Variants in CD109 observed in about 807,000 individuals in gnomAD.
The protein encoded by CD109 is CD109 molecule, also known as CD109 antigen.
A neutral mutation model predicts 165.8 loss-of-function variants in CD109; 149 were observed. That is an observed-to-expected ratio of 0.90 (90% CI 0.79 to 1.03). The LOEUF is 1.03. Ranked by LOEUF, CD109 falls within the 50% of genes least tolerant of loss-of-function variation. The pLI is 0.00. For missense variants in CD109, 1,712 were observed against 1,677.8 expected, an observed-to-expected ratio of 1.02 and a Z score of -0.36; for synonymous variants, 585 against 592.1, an observed-to-expected ratio of 0.99 and a Z score of 0.18.
At chr6:73,791,172 TATATAC>T (rs1475797704) in intron 22 of CD109, among the ~76,000 whole-genome samples, 1,770 of 32,318 alleles carry the variant, frequency 0.055, 15 homozygotes, top group Non-Finnish European at 0.065. Flanking sequence ...TATATATATA[TATATAC>T]ACACACACAC....
rs2150229099 is a variant in CD109 at position 73,766,116 on chromosome 6, T to C, written c.1294T>C (p.Phe432Leu). The change falls in exon 11 of 33, where the codon TTC becomes CTC. Residue 432 changes from phenylalanine (F) to leucine (L), a missense_variant. Transcript: ENST00000287097. The stretch of plus-strand genomic sequence containing the variant: ...CCAAAGTGGAACTTTTAAGATTGAA[T>C]TCCCAATCCTGGAGGATTCCAGTGA... ...VPQSGTFKIE[F>L]PILEDSSELQ... The C allele has an allele frequency of 6.2e-7, 1 of 1,614,062 alleles. No homozygotes were observed. The highest frequency in any genetic ancestry group is 8.5e-7 in the Non-Finnish European group (1 of 1,179,946).
chr6:73,793,686 T>C (rs1156627777), intron 23 of CD109, among the ~76,000 whole-genome samples: 1 of 152,184 alleles, frequency 6.6e-6, no homozygotes, highest in African/African-American at 2.4e-5. Context: ...TAAAGTAAAT[T>C]TGATTTTCTG....
At chr6:73,692,454 C>G (rs1245496619), upstream of CD109, among the ~76,000 whole-genome samples, 1 of 152,074 alleles carries the variant, frequency 6.6e-6, no homozygotes, top group African/African-American at 2.4e-5. Flanking sequence ...CTTGGCATAT[C>G]CAGGTAATCA....
At chr6:73,754,610 G>T (rs1562047866) in intron 5 of CD109, among the ~76,000 whole-genome samples, 1 of 152,180 alleles carries the variant, frequency 6.6e-6, no homozygotes, top group Non-Finnish European at 1.5e-5. Context: ...TAAGTAAGTT[G>T]ATTTCCTATA....
intron 22 of CD109, among the ~76,000 whole-genome samples, chr6:73,791,163 A>ATATG (rs1229907149): frequency 2.4e-5 from 1 of 41,716 alleles, no homozygotes; most frequent in Non-Finnish European, 4.1e-5. Flanking sequence ...ATATATATAT[A>ATATG]TATATATATA....
intron 7 of CD109, among the ~76,000 whole-genome samples, chr6:73,761,017 ACACACAC>A (rs1562051477): frequency 5.5e-3 from 7 of 1,284 alleles, no homozygotes; most frequent in East Asian, 0.12. Flanking sequence ...GTGTCTAAAC[ACACACAC>A]ACACACACAC....
intron 15 of CD109, among the ~76,000 whole-genome samples, chr6:73,775,514 CTATT>C (rs1170511695): frequency 3.9e-5 from 6 of 152,052 alleles, no homozygotes; most frequent in African/African-American, 1.4e-4. Context: ...ATTTGTTTAT[CTATT>C]TATTTATTTA....
chr6:73,680,208 G>T, the CD109 span, among the ~76,000 whole-genome samples: 49 of 151,450 alleles, frequency 3.2e-4, no homozygotes, highest in African/African-American at 1.1e-3. Flanking sequence ...ACAGATTTAT[G>T]TAATTATATT....
At chr6:73,696,378 T>C (rs1022025900) in intron 1 of CD109, 89 bp downstream of exon 1, 5 of 1,125,832 alleles carry the variant, frequency 4.4e-6, no homozygotes, top group Non-Finnish European at 4.7e-6. Flanking sequence ...AGGTGGCGGC[T>C]GCTGTGCAGC....
the CD109 span, among the ~76,000 whole-genome samples, chr6:73,684,952 A>C: frequency 2.0e-5 from 3 of 149,568 alleles, no homozygotes; most frequent in African/African-American, 4.9e-5. Context: ...TTGAGGTGGA[A>C]TCTCAAAAGG....
chr6:73,756,319 C>G (rs1336939403), intron 5 of CD109, among the ~76,000 whole-genome samples: 1 of 152,118 alleles, frequency 6.6e-6, no homozygotes, highest in Non-Finnish European at 1.5e-5. Flanking sequence ...CCTCAATTAT[C>G]TAGTTTAATC....
rs1017483028 is a variant in CD109, at chr6:73,729,521, A to G, written c.277-823A>G. Among the ~76,000 whole-genome samples, 10 of 146,760 alleles carry G rather than the reference A, an allele frequency of 6.8e-5. No homozygotes were observed. The East Asian group carries it at 2.0e-3, about 29-fold the overall frequency. The stretch of plus-strand genomic sequence containing the variant: ...TATTATTATTATTATTATTATTATT[A>G]TTATTATTATTATTTTGAGACAAAT... On this transcript the variant is annotated intron_variant, in intron 3 of 32. Transcript: ENST00000287097.
In CD109 at chr6:73,698,161, T is replaced by C. The variant is rs568250039; in HGVS notation, c.247+589T>C. On this transcript the variant is annotated intron_variant, in intron 2 of 32. Coordinates refer to ENST00000287097, the MANE Select transcript of CD109 (RefSeq NM_133493.5). ...ATAGTGTGAAAGTGGGAGCCATTTGTAGCAGAACCAAGTTTGGTTCTTGTT... is the reference window on the plus strand; with the variant it reads ...ATAGTGTGAAAGTGGGAGCCATTTGCAGCAGAACCAAGTTTGGTTCTTGTT... Among the ~76,000 whole-genome samples, 469 of 152,336 alleles carry C rather than the reference T, an allele frequency of 3.1e-3. 3 individuals carry two copies. Among genetic ancestry groups the C allele is most frequent in the Admixed American group, 6.7e-3 (103 of 15,306 alleles).
intron 5 of CD109, among the ~76,000 whole-genome samples, chr6:73,742,178 C>T (rs1274690337): frequency 1.3e-5 from 2 of 150,790 alleles, no homozygotes; most frequent in Non-Finnish European, 2.9e-5. Flanking sequence ...ACTCTCCATT[C>T]CCTCCCACCC....
rs1430381088 is a variant in CD109 at position 73,826,282 on chromosome 6, T to G, written c.*2649T>G. 5 of 152,212 alleles carry G rather than the reference T, an allele frequency of 3.3e-5. No individual in the cohort carries two copies. Among genetic ancestry groups the G allele is most frequent in the Non-Finnish European group, 7.3e-5 (5 of 68,048 alleles). The allele number at this position is 152,212 out of a possible 1,614,324, so 9.4% of individuals were successfully genotyped here. On this transcript the variant is annotated 3_prime_UTR_variant, in exon 33 of 33. Transcript: ENST00000287097. ...TATTTTCTTCACATGCTATGAGTAA[T>G]AATATTAAAAAACTCATTTTACCAT...
intron 15 of CD109, among the ~76,000 whole-genome samples, chr6:73,779,512 T>G (rs1774392899): frequency 6.6e-6 from 1 of 152,180 alleles, no homozygotes; most frequent in African/African-American, 2.4e-5. Context: ...CCTCCCAAAG[T>G]GCTGGGATTA....
intron 24 of CD109, among the ~76,000 whole-genome samples, chr6:73,805,116 G>A (rs966326604): frequency 1.3e-5 from 2 of 152,186 alleles, no homozygotes; most frequent in Admixed American, 1.3e-4. Flanking sequence ...TCTAGAACTA[G>A]AAATACCATT....
At chr6:73,739,210 A>G (rs1430900167) in intron 5 of CD109, among the ~76,000 whole-genome samples, 1 of 152,226 alleles carries the variant, frequency 6.6e-6, no homozygotes, top group Non-Finnish European at 1.5e-5. Flanking sequence ...CTGATCAGGT[A>G]CTTGTCATTT....
chr6:73,810,258 G>C (rs1775707173), intron 27 of CD109, 84 bp downstream of exon 27: 16 of 322,466 alleles, frequency 5.0e-5, no homozygotes, highest in African/African-American at 9.1e-5. Flanking sequence ...ATAATATATA[G>C]TATATATTAT....
Sources: gnomAD v4.1 joint callset for allele counts (sites outside exome capture counted in the v4.1 genomes callset) on GRCh38, gnomAD v4.1.1 for gene constraint, MANE v1.5 for transcripts, NCBI Gene and HGNC (gene_info 2026-07-23, HGNC 2026-07-21) for gene names.